ITGA1: variants seen among roughly 807,000 people sequenced by gnomAD.
ITGA1 encodes integrin subunit alpha 1, also known as integrin alpha-1.
ITGA1 carries 85 observed loss-of-function variants against 145.9 expected under a neutral mutation model. That is an observed-to-expected ratio of 0.58 (90% CI 0.49 to 0.70). The LOEUF is 0.70. Among genes scored for constraint, ITGA1 ranks in the 30% least tolerant of loss-of-function variants. ITGA1 has a pLI of 0.00. For synonymous variants in ITGA1, 520 were observed against 495.3 expected (o/e 1.05, Z -0.66); for missense variants, 1,351 against 1,418.7 (o/e 0.95, Z 0.77).
At chr5:52,811,211 G>A (rs962309713) in intron 1 of ITGA1, among the ~76,000 whole-genome samples, 1 of 152,186 alleles carries the variant, frequency 6.6e-6, no homozygotes, top group Non-Finnish European at 1.5e-5. Context: ...AGAGGATATG[G>A]TGTAAGAACT....
chr5:52,872,286 T>C (rs936222226), intron 6 of ITGA1, among the ~76,000 whole-genome samples: 24 of 152,154 alleles, frequency 1.6e-4, no homozygotes, highest in African/African-American at 5.8e-4. Flanking sequence ...CAGCCATACC[T>C]TTGTCAGTCT....
At chr5:52,892,009 C>T in intron 8 of ITGA1, among the ~76,000 whole-genome samples, 1 of 151,992 alleles carries the variant, frequency 6.6e-6, no homozygotes, top group Non-Finnish European at 1.5e-5. Context: ...AAATGTAAAA[C>T]TTCTACTCTT....
In ITGA1 at chr5:52,927,634, T is replaced by G; in HGVS notation, c.2664T>G (p.Val888=). The G allele has an allele frequency of 6.2e-7, 1 of 1,611,030 alleles. No individual in the cohort carries two copies. Among genetic ancestry groups the G allele is most frequent in the Non-Finnish European group, 8.5e-7 (1 of 1,177,638 alleles). ...CESNHNITCK[V]GYPFLRRGEM... is the part of the protein sequence containing the mutation. ...CTAATCATAATATCACATGTAAAGT[T>G]GGATATCCCTTCCTGAGAAGAGGAG... Residue 888 remains valine (V), a synonymous_variant, in exon 20 of 29, where the codon GTT becomes GTG. Transcript: ENST00000282588.
At chr5:52,893,301 C>T (rs1750179001) in intron 8 of ITGA1, among the ~76,000 whole-genome samples, 1 of 152,120 alleles carries the variant, frequency 6.6e-6, no homozygotes, top group South Asian at 2.1e-4. Flanking sequence ...TTGCCTTTGC[C>T]AGCAGATAAT....
intron 14 of ITGA1, among the ~76,000 whole-genome samples, chr5:52,912,455 AG>A (rs1345979659): frequency 2.8e-5 from 4 of 144,516 alleles, no homozygotes; most frequent in Non-Finnish European, 4.5e-5. Context: ...TATCCACTAT[AG>A]GTATTATATA....
intron 7 of ITGA1, among the ~76,000 whole-genome samples, chr5:52,884,241 C>T (rs1000800965): frequency 5.9e-5 from 9 of 151,808 alleles, no homozygotes; most frequent in African/African-American, 1.7e-4. Flanking sequence ...GTCAGGAGTT[C>T]GAGAGCAGCC....
intron 1 of ITGA1, chr5:52,804,184 G>A (rs1210317458): frequency 1.3e-5 from 2 of 152,094 alleles, no homozygotes; most frequent in African/African-American, 4.8e-5. Flanking sequence ...ATATACAGTA[G>A]TCTAATTCCA....
At chr5:52,936,620 T>G (rs1750968633) in intron 23 of ITGA1, among the ~76,000 whole-genome samples, 1 of 152,188 alleles carries the variant, frequency 6.6e-6, no homozygotes, top group South Asian at 2.1e-4. Flanking sequence ...TGCATCTGGT[T>G]GTCCCAGTTC....
chr5:52,863,232 C>T (rs1410198134), intron 3 of ITGA1, among the ~76,000 whole-genome samples: 1 of 152,182 alleles, frequency 6.6e-6, no homozygotes, highest in Admixed American at 6.5e-5. Context: ...GGTTTTATTT[C>T]AGCTGGGCTA....
In ITGA1 at chr5:52,932,033, C is replaced by T. The variant is rs762977686; in HGVS notation, c.2772-14C>T. Reference sequence around the variant, plus strand: ...ATTTTAATGGTTTGTCTGAATGTGCCGTGTATTTTCTAGTGACAGCGAAGA... The same window carrying T: ...ATTTTAATGGTTTGTCTGAATGTGCTGTGTATTTTCTAGTGACAGCGAAGA... On this transcript the variant is annotated splice_polypyrimidine_tract_variant and intron_variant, in intron 21 of 28. Transcript: ENST00000282588. 6.8e-6 allele frequency: 10 copies of T among 1,466,076 alleles called. 1 individual carries two copies. In the African/African-American group the frequency reaches 8.3e-5, roughly 12 times the overall value. The allele number at this position is 1,466,076 out of a possible 1,614,324, so 90.8% of individuals were successfully genotyped here. A position where few individuals can be genotyped will look rare whatever the true frequency, so the allele number is the denominator to read the frequency against.
At chr5:52,880,887 C>T (rs1482220593) in intron 6 of ITGA1, among the ~76,000 whole-genome samples, 1 of 152,104 alleles carries the variant, frequency 6.6e-6, no homozygotes, top group East Asian at 1.9e-4. Flanking sequence ...TTCACATCAA[C>T]CTTTAAAGGG....
chr5:52,869,610 C>G (rs1329976755), intron 6 of ITGA1, among the ~76,000 whole-genome samples: 2 of 152,198 alleles, frequency 1.3e-5, no homozygotes, highest in Non-Finnish European at 2.9e-5. Context: ...GCATCATCTT[C>G]TTATCTTCGT....
intron 2 of ITGA1, among the ~76,000 whole-genome samples, chr5:52,855,806 C>T (rs1431640358): frequency 6.6e-6 from 1 of 152,142 alleles, no homozygotes; most frequent in Admixed American, 6.5e-5. Context: ...GATACACGTA[C>T]TTTCAAGCTT....
At chr5:52,910,794 GTATAAA>G (rs1750497000) in intron 14 of ITGA1, among the ~76,000 whole-genome samples, 1 of 143,472 alleles carries the variant, frequency 7.0e-6, no homozygotes, top group African/African-American at 2.5e-5. Flanking sequence ...TATACAAATA[GTATAAA>G]TATATAGTAT....
At chr5:52,906,013 TA>T (rs1471822725) in intron 12 of ITGA1, 105 bp downstream of exon 12, 9 of 957,950 alleles carry the variant, frequency 9.4e-6, no homozygotes, top group Admixed American at 9.2e-5. Context: ...ACATATTCAG[TA>T]ACAACTGGGA....
chr5:52,946,346 C>A (rs552975655), intron 27 of ITGA1, among the ~76,000 whole-genome samples: 202 of 152,226 alleles, frequency 1.3e-3, no homozygotes, highest in African/African-American at 4.5e-3. Context: ...TCAGCCTGGG[C>A]AAAATAGTGA....
chr5:52,874,715 T>A (rs1156404488), intron 6 of ITGA1, among the ~76,000 whole-genome samples: 1 of 152,110 alleles, frequency 6.6e-6, no homozygotes, highest in Admixed American at 6.6e-5. Context: ...ATGCTAGGTG[T>A]CAAGAGCAAT....
At position 52,922,776 on chromosome 5, in the gene ITGA1, G is replaced by A. The variant is rs1284605620; in HGVS notation, c.2293-1G>A. The A allele has an allele frequency of 6.3e-7, 1 of 1,594,542 alleles. No individual in the cohort carries two copies. ...GATATATTTTATGTTTCACCCTCTA[G>A]GACAAGCATGACTTTCAGGACTCTG... On this transcript the variant is annotated splice_acceptor_variant, in intron 17 of 28. Transcript: ENST00000282588. LOFTEE classifies it high-confidence loss of function.
chr5:52,798,832 C>T lies in ITGA1; in HGVS notation c.61+10418C>T, dbSNP rs1400011365. The stretch of plus-strand genomic sequence containing the variant: ...AAACACTTTATGGTAAAGATCTTGG[C>T]GCTCACTGAGAATTTCCTTGTGGGC... On this transcript the variant is annotated intron_variant, in intron 1 of 28. Coordinates refer to ENST00000282588, the MANE Select transcript of ITGA1 (RefSeq NM_181501.2). Among the ~76,000 whole-genome samples, 4 of 152,252 alleles carry T rather than the reference C, an allele frequency of 2.6e-5. No homozygotes were observed. The East Asian group carries it at 5.8e-4, about 22-fold the overall frequency.
Sources: gnomAD v4.1 joint callset for allele counts (sites outside exome capture counted in the v4.1 genomes callset) on GRCh38, gnomAD v4.1.1 for gene constraint, MANE v1.5 for transcripts, NCBI Gene and HGNC (gene_info 2026-07-23, HGNC 2026-07-21) for gene names.